Variants in CCNJL observed in about 807,000 individuals in gnomAD.
The protein encoded by CCNJL is cyclin J like.
Under a neutral mutation model 33.4 loss-of-function variants are expected in CCNJL, and 33 were observed. The observed-to-expected ratio is 0.99, with a 90% confidence interval of 0.75 to 1.32. The LOEUF (loss-of-function observed/expected upper bound fraction) is 1.32. Ranked by LOEUF, CCNJL falls within the 40% of genes most tolerant of loss-of-function variation. The pLI, the probability that CCNJL is intolerant of heterozygous loss-of-function variation, is 0.00. For missense variants in CCNJL, 512 were observed against 499.7 expected (o/e 1.02, Z -0.23); for synonymous variants, 227 against 220.9 (o/e 1.03, Z -0.24).
chr5:160,301,533 A>T (rs1256022279), intron 2 of CCNJL, among the ~76,000 whole-genome samples: 1 of 151,486 alleles, frequency 6.6e-6, no homozygotes, highest in Non-Finnish European at 1.5e-5. Flanking sequence ...TCGCGGGTTC[A>T]AGCGATTCTT....
At chr5:160,318,060 A>G (rs1413308701) in intron 1 of CCNJL, among the ~76,000 whole-genome samples, 1 of 148,726 alleles carries the variant, frequency 6.7e-6, no homozygotes, top group East Asian at 2.0e-4. Context: ...CTCTGTTGCC[A>G]GGCTGGAGTG....
intron 2 of CCNJL, among the ~76,000 whole-genome samples, chr5:160,308,773 A>G (rs1033564238): frequency 2.6e-5 from 4 of 151,986 alleles, no homozygotes; most frequent in Admixed American, 2.6e-4. Context: ...CCAACCAACC[A>G]AACAAACAAA....
At chr5:160,284,075 G>A (rs1762329737) in intron 2 of CCNJL, among the ~76,000 whole-genome samples, 1 of 152,202 alleles carries the variant, frequency 6.6e-6, no homozygotes, top group African/African-American at 2.4e-5. Context: ...ATTTTGGCTA[G>A]GTGCAGTGGC....
chr5:160,333,206 T>C (rs1462003509), intron 1 of CCNJL, among the ~76,000 whole-genome samples: 1 of 151,412 alleles, frequency 6.6e-6, no homozygotes, highest in African/African-American at 2.4e-5. Context: ...CATTGCAAGC[T>C]CCGCCTCCCA....
At chr5:160,286,717 G>T (rs1753895332) in intron 2 of CCNJL, among the ~76,000 whole-genome samples, 1 of 152,254 alleles carries the variant, frequency 6.6e-6, no homozygotes, top group African/African-American at 2.4e-5. Context: ...GTAGGGGTTA[G>T]TAGGTACAGC....
intron 3 of CCNJL, among the ~76,000 whole-genome samples, chr5:160,275,631 C>A (rs960024395): frequency 1.3e-5 from 2 of 152,150 alleles, no homozygotes; most frequent in African/African-American, 2.4e-5. Context: ...ACTACAAGCA[C>A]GTGCCACCAC....
intron 1 of CCNJL, among the ~76,000 whole-genome samples, chr5:160,329,573 T>G (rs1438349997): frequency 6.6e-6 from 1 of 152,090 alleles, no homozygotes; most frequent in African/African-American, 2.4e-5. Context: ...ATGATCTCGA[T>G]CTCCTGACCT....
chr5:160,253,801 G>C lies in CCNJL; in HGVS notation c.744-3C>G. On this transcript the variant is annotated splice_polypyrimidine_tract_variant and splice_region_variant and intron_variant, in intron 5 of 5. Transcript: ENST00000257536. ...CCTTGAGGACGTTGTCATACACTCT[G>C]AAACGAGAAGACCTGGGTGAGAACT... 6.7e-7 allele frequency: 1 copy of C among 1,498,596 alleles called. No individual in the cohort carries two copies. Among genetic ancestry groups the C allele is most frequent in the Non-Finnish European group, 8.9e-7 (1 of 1,128,574 alleles). The allele number at this position is 1,498,596 out of a possible 1,614,324, so 92.8% of individuals were successfully genotyped here.
chr5:160,253,700 T>A lies in CCNJL; in HGVS notation c.842A>T (p.Gln281Leu). 6.2e-7 allele frequency: 1 copy of A among 1,604,396 alleles called. No homozygotes were observed. Among genetic ancestry groups the A allele is most frequent in the South Asian group, 1.1e-5 (1 of 89,950 alleles). Residue 281 changes from glutamine (Q) to leucine (L), a missense_variant, in exon 6 of 6, where the codon CAG becomes CTG. By Grantham distance (113) the Gln-to-Leu change is moderately radical. Coordinates refer to ENST00000257536, the MANE Select transcript of CCNJL (RefSeq NM_001308173.3). ...TPPTPTQVLF[Q>L]PPAYPALGQP... The stretch of plus-strand genomic sequence containing the variant: ...GCCGAGGGCCGGGTAGGCTGGTGGC[T>A]GGAACAGCACTTGAGTGGGGGTGGG...
chr5:160,289,432 C>A (rs1329520388), intron 2 of CCNJL, among the ~76,000 whole-genome samples: 2 of 151,888 alleles, frequency 1.3e-5, no homozygotes, highest in Non-Finnish European at 2.9e-5. Context: ...TCGGGACTCC[C>A]TTATCTACCC....
intron 1 of CCNJL, among the ~76,000 whole-genome samples, chr5:160,335,506 T>A (rs1342772025): frequency 6.6e-6 from 1 of 152,202 alleles, no homozygotes; most frequent in Non-Finnish European, 1.5e-5. Flanking sequence ...CTGATCTCCA[T>A]CTTGCTAAAG....
intron 3 of CCNJL, among the ~76,000 whole-genome samples, chr5:160,277,744 G>GTTTTTTT (rs57967385): frequency 9.6e-5 from 12 of 125,236 alleles, no homozygotes; most frequent in Non-Finnish European, 1.7e-4. Flanking sequence ...CTGTCTATCT[G>GTTTTTTT]TTTTTTTTTT....
chr5:160,255,833 T>C lies in CCNJL; in HGVS notation c.584-125A>G, dbSNP rs1002386008. ...TTTCATCGCTGCCCTACAAATAGGA[T>C]GGAAAATTAGAAACTGTGAAGTTCC... On this transcript the variant is annotated intron_variant, in intron 4 of 5. Coordinates refer to ENST00000257536, the MANE Select transcript of CCNJL (RefSeq NM_001308173.3). The C allele has an allele frequency of 8.9e-6, 7 of 787,800 alleles. No homozygotes were observed. In the East Asian group the frequency reaches 1.8e-4, roughly 20 times the overall value. The allele number at this position is 787,800 out of a possible 1,614,324, so 48.8% of individuals were successfully genotyped here.
rs532909133 is a variant in CCNJL, at chr5:160,293,911, C to G, written c.67-13173G>C. ...GGCTGAGCTGCTCTCAAACACCAGCCACCAAGAGAAACCACTCTGCTTTCC... is the reference window on the plus strand; with the variant it reads ...GGCTGAGCTGCTCTCAAACACCAGCGACCAAGAGAAACCACTCTGCTTTCC... On this transcript the variant is annotated intron_variant, in intron 2 of 5. Transcript: ENST00000257536. Among the ~76,000 whole-genome samples the G allele has an allele frequency of 1.1e-4, 16 of 152,262 alleles. No individual in the cohort carries two copies. The South Asian group carries it at 2.7e-3, about 26-fold the overall frequency.
Position 160,284,295 on chromosome 5 carries a change from T to C in CCNJL, c.67-3557A>G, listed in dbSNP as rs12108673. ...TGAGCACAGGAGGAGGAGGCTGCAG[T>C]GACCCGAGATTGTGTCACTGCACTC... On this transcript the variant is annotated intron_variant, in intron 2 of 5. Coordinates refer to ENST00000257536, the MANE Select transcript of CCNJL (RefSeq NM_001308173.3). 8.6e-3 allele frequency among the ~76,000 whole-genome samples: 1,307 copies of C among 152,240 alleles called. 17 individuals are homozygous for C. Among genetic ancestry groups the C allele is most frequent in the African/African-American group, 0.03 (1,264 of 41,512 alleles).
At chr5:160,320,121 G>A (rs752786848) in intron 1 of CCNJL, among the ~76,000 whole-genome samples, 2 of 152,094 alleles carry the variant, frequency 1.3e-5, no homozygotes, top group Non-Finnish European at 2.9e-5. Context: ...GTTCATATTA[G>A]TAAAATGAGA....
chr5:160,264,943 AAAAG>A (rs1344830531), intron 3 of CCNJL, among the ~76,000 whole-genome samples: 1 of 152,158 alleles, frequency 6.6e-6, no homozygotes, highest in Non-Finnish European at 1.5e-5. Context: ...TAAATATACG[AAAAG>A]AGAGAGAGAA....
chr5:160,329,443 C>T (rs1296101042), intron 1 of CCNJL, among the ~76,000 whole-genome samples: 5 of 151,782 alleles, frequency 3.3e-5, no homozygotes, highest in African/African-American at 7.3e-5. Context: ...CTCCACCTCC[C>T]GGGTTCATGC....
At chr5:160,258,618 G>A in intron 4 of CCNJL, 2 of 1,213,524 alleles carry the variant, frequency 1.6e-6, no homozygotes, top group Non-Finnish European at 2.4e-6. Flanking sequence ...GGATGCAGCT[G>A]TTACGAAGAT....
Sources: gnomAD v4.1 joint callset for allele counts (sites outside exome capture counted in the v4.1 genomes callset) on GRCh38, gnomAD v4.1.1 for gene constraint, MANE v1.5 for transcripts, NCBI Gene and HGNC (gene_info 2026-07-23, HGNC 2026-07-21) for gene names.